The following TACR3 variants were observed in gnomAD, a reference collection of about 807,000 sequenced individuals.
The protein encoded by TACR3 is tachykinin receptor 3.
A neutral mutation model predicts 35.0 loss-of-function variants in TACR3; 34 were observed. That is an observed-to-expected ratio of 0.97 (90% confidence interval 0.74 to 1.30). TACR3 has a LOEUF of 1.30. TACR3 is among the 50% of genes most tolerant of loss of function. The probability of loss-of-function intolerance (pLI) is 0.00; values close to 1 mark genes in which losing one functional copy is unlikely to be tolerated. For missense variants in TACR3, 558 were observed against 591.7 expected, an observed-to-expected ratio of 0.94 and a Z score of 0.59; for synonymous variants, 233 against 221.1, an observed-to-expected ratio of 1.05 and a Z score of -0.48.
At chr4:103,683,812 G>A (rs970873205) in intron 1 of TACR3, among the ~76,000 whole-genome samples, 3 of 150,058 alleles carry the variant, frequency 2.0e-5, no homozygotes, top group Admixed American at 6.6e-5. Flanking sequence ...ACAGGAAGTG[G>A]GGGAGGAGAG....
intron 3 of TACR3, among the ~76,000 whole-genome samples, chr4:103,600,573 T>C (rs1299512414): frequency 6.6e-6 from 1 of 152,234 alleles, no homozygotes; most frequent in Non-Finnish European, 1.5e-5. Flanking sequence ...TTTAGATCTT[T>C]CTTGCTTTCT....
intron 1 of TACR3, among the ~76,000 whole-genome samples, chr4:103,691,242 A>C (rs539987912): frequency 6.6e-6 from 1 of 152,338 alleles, no homozygotes; most frequent in East Asian, 1.9e-4. Flanking sequence ...TGGAGCAGCC[A>C]TACAGTGGAA....
At chr4:103,639,105 A>T (rs1725282129) in intron 3 of TACR3, among the ~76,000 whole-genome samples, 1 of 152,128 alleles carries the variant, frequency 6.6e-6, no homozygotes, top group Non-Finnish European at 1.5e-5. Flanking sequence ...TACCCAAAGG[A>T]TTATAAATCA....
chr4:103,619,275 T>C (rs569108964), intron 3 of TACR3, among the ~76,000 whole-genome samples: 4 of 152,242 alleles, frequency 2.6e-5, no homozygotes, highest in African/African-American at 9.6e-5. Flanking sequence ...CTGCAAGCTC[T>C]GCCTCCAGGG....
intron 1 of TACR3, among the ~76,000 whole-genome samples, chr4:103,683,527 TA>T (rs1022764303): frequency 7.5e-5 from 8 of 106,626 alleles, no homozygotes; most frequent in South Asian, 3.1e-4. Flanking sequence ...AGCAAAATCT[TA>T]AAAAATAAGT....
chr4:103,685,940 G>A (rs1279727763), intron 1 of TACR3, among the ~76,000 whole-genome samples: 5 of 152,116 alleles, frequency 3.3e-5, no homozygotes, highest in African/African-American at 1.2e-4. Flanking sequence ...ATTGGAGGGG[G>A]CTGACTTTGT....
At chr4:103,601,990 T>C (rs952347566) in intron 3 of TACR3, among the ~76,000 whole-genome samples, 1 of 152,238 alleles carries the variant, frequency 6.6e-6, no homozygotes, top group African/African-American at 2.4e-5. Context: ...TTTTCCAACT[T>C]GGTTCCAATC....
chr4:103,594,280 T>C (rs2110284744), intron 3 of TACR3, among the ~76,000 whole-genome samples: 1 of 151,966 alleles, frequency 6.6e-6, no homozygotes, highest in South Asian at 2.1e-4. Context: ...CGGGTTCAAG[T>C]AATTCTTCTG....
intron 1 of TACR3, among the ~76,000 whole-genome samples, chr4:103,666,725 G>C (rs1725943680): frequency 6.6e-6 from 1 of 152,014 alleles, no homozygotes; most frequent in African/African-American, 2.4e-5. Context: ...ATCTATAGTG[G>C]CAATATAAAA....
At chr4:103,609,300 T>C (rs930337065) in intron 3 of TACR3, among the ~76,000 whole-genome samples, 1 of 152,142 alleles carries the variant, frequency 6.6e-6, no homozygotes, top group African/African-American at 2.4e-5. Context: ...ATTGTGTTAG[T>C]GTGATTTATT....
At chr4:103,625,742 C>T in intron 3 of TACR3, among the ~76,000 whole-genome samples, 1 of 152,108 alleles carries the variant, frequency 6.6e-6, no homozygotes, top group African/African-American at 2.4e-5. Flanking sequence ...CTTTAAATAA[C>T]CTCTGTGTTA....
At chr4:103,625,773 T>C (rs1724876447) in intron 3 of TACR3, among the ~76,000 whole-genome samples, 1 of 152,164 alleles carries the variant, frequency 6.6e-6, no homozygotes, top group Admixed American at 6.5e-5. Flanking sequence ...TATGTCCTCC[T>C]AAAATTTTTT....
At chr4:103,670,817 TCTAA>T (rs1726041144) in intron 1 of TACR3, among the ~76,000 whole-genome samples, 1 of 152,094 alleles carries the variant, frequency 6.6e-6, no homozygotes, top group Non-Finnish European at 1.5e-5. Context: ...CTTTCTCTTG[TCTAA>T]CTACTCTGGC....
chr4:103,712,820 G>C (rs1404776556), intron 1 of TACR3, among the ~76,000 whole-genome samples: 1 of 152,200 alleles, frequency 6.6e-6, no homozygotes, highest in Non-Finnish European at 1.5e-5. Context: ...CAAAGTATAT[G>C]AACAGACACT....
chr4:103,637,513 CT>C (rs1725220444), intron 3 of TACR3, among the ~76,000 whole-genome samples: 1 of 152,116 alleles, frequency 6.6e-6, no homozygotes, highest in Non-Finnish European at 1.5e-5. Flanking sequence ...GAAGCATTCC[CT>C]TTGAAAACTG....
At chr4:103,680,217 C>T (rs1415397340) in intron 1 of TACR3, among the ~76,000 whole-genome samples, 1 of 151,286 alleles carries the variant, frequency 6.6e-6, no homozygotes, top group East Asian at 1.9e-4. Context: ...CCCATATGAG[C>T]TTGGGTACTT....
intron 1 of TACR3, among the ~76,000 whole-genome samples, chr4:103,671,446 AT>A (rs1726055458): frequency 6.6e-6 from 1 of 152,014 alleles, no homozygotes; most frequent in African/African-American, 2.4e-5. Flanking sequence ...GAGAGTTTTT[AT>A]TACTGGCTCT....
At chr4:103,629,777 T>C (rs181609090) in intron 3 of TACR3, among the ~76,000 whole-genome samples, 1 of 148,710 alleles carries the variant, frequency 6.7e-6, no homozygotes, top group Non-Finnish European at 1.5e-5. Flanking sequence ...CTTCACAGAA[T>C]TGGAATAAAC....
In TACR3 at chr4:103,627,181, C is replaced by CAA. The variant is rs33988758; in HGVS notation, c.888+29011_888+29012dup. Among the ~76,000 whole-genome samples, 11 of 24,704 alleles carry CAA rather than the reference C, an allele frequency of 4.5e-4. 1 individual carries two copies. The highest frequency in any genetic ancestry group is 9.1e-4 in the African/African-American group (6 of 6,602). The allele number at this position is 24,704 out of a possible 152,430, so 16.2% of individuals were successfully genotyped here. On this transcript the variant is annotated intron_variant, in intron 3 of 4. Transcript: ENST00000304883. Reference sequence around the variant, plus strand: ...CAAGTGACGGTGTGAGACTCCGTCTCAAAAAAAAAAAAAAAAAAAAAAAAA... The same window carrying CAA: ...CAAGTGACGGTGTGAGACTCCGTCTCAAAAAAAAAAAAAAAAAAAAAAAAAAA...
Sources: gnomAD v4.1 joint callset for allele counts (sites outside exome capture counted in the v4.1 genomes callset) on GRCh38, gnomAD v4.1.1 for gene constraint, MANE v1.5 for transcripts, NCBI Gene and HGNC (gene_info 2026-07-23, HGNC 2026-07-21) for gene names.